Variants in FSTL5 observed in about 807,000 individuals in gnomAD.
FSTL5 encodes the protein follistatin-related protein 5.
FSTL5 carries 62 observed loss-of-function variants against 89.1 expected under a neutral mutation model. The ratio of observed to expected loss-of-function variants is 0.70; its 90% CI spans 0.57 to 0.86. The LOEUF (loss-of-function observed/expected upper bound fraction) is 0.86, where lower values mean the gene tolerates loss of function less well. Among genes scored for constraint, FSTL5 ranks in the 40% least tolerant of loss-of-function variants. FSTL5 has a pLI of 0.00. For synonymous variants in FSTL5, 383 were observed against 346.2 expected, an observed-to-expected ratio of 1.11 and a Z score of -1.18; for missense variants, 1,057 against 1,001.6, an observed-to-expected ratio of 1.06 and a Z score of -0.75.
chr4:162,149,317 G>A (rs1444522116), intron 1 of FSTL5, among the ~76,000 whole-genome samples: 1 of 151,904 alleles, frequency 6.6e-6, no homozygotes, highest in Non-Finnish European at 1.5e-5. Context: ...AGACCAGCCT[G>A]GGCAACATAG....
intron 6 of FSTL5, among the ~76,000 whole-genome samples, chr4:161,705,530 G>T (rs1738537086): frequency 1.3e-5 from 2 of 152,004 alleles, no homozygotes; most frequent in African/African-American, 4.8e-5. Context: ...CACAATATTA[G>T]AAAACCATTA....
At chr4:161,629,983 G>A (rs960727759) in intron 7 of FSTL5, among the ~76,000 whole-genome samples, 4 of 152,174 alleles carry the variant, frequency 2.6e-5, no homozygotes, top group South Asian at 2.1e-4. Flanking sequence ...TTCATTCCTA[G>A]CCCAGGGGCC....
At chr4:161,886,475 A>T (rs1036157667) in intron 4 of FSTL5, among the ~76,000 whole-genome samples, 1 of 152,234 alleles carries the variant, frequency 6.6e-6, no homozygotes, top group Non-Finnish European at 1.5e-5. Context: ...ATTCATATTC[A>T]TGAGGAGTCG....
intron 2 of FSTL5, among the ~76,000 whole-genome samples, chr4:162,072,976 G>A (rs557877530): frequency 6.6e-6 from 1 of 151,800 alleles, no homozygotes; most frequent in South Asian, 2.1e-4. Flanking sequence ...CTTTGACCTT[G>A]AACTGAGGCA....
intron 1 of FSTL5, among the ~76,000 whole-genome samples, chr4:162,141,329 A>C (rs1187750816): frequency 3.6e-5 from 3 of 84,152 alleles, no homozygotes; most frequent in Non-Finnish European, 8.3e-5. Context: ...GTTAGCCAGG[A>C]TGGTCTCGAT....
intron 2 of FSTL5, among the ~76,000 whole-genome samples, chr4:162,055,144 A>C (rs552137248): frequency 1.3e-5 from 2 of 151,998 alleles, no homozygotes; most frequent in African/African-American, 4.8e-5. Context: ...TATGATGTGC[A>C]TCAAATTGTT....
At position 161,988,065 on chromosome 4, in the gene FSTL5, T is replaced by TAA. The variant is rs5863506; in HGVS notation, c.160+45558_160+45559dup. On this transcript the variant is annotated intron_variant, in intron 3 of 15. Transcript: ENST00000306100. The stretch of plus-strand genomic sequence containing the variant: ...TAAATGATTGGACTAAAAAAACCAC[T>TAA]AAAAAAAAAACAGAGAAAAGTAATG... Among the ~76,000 whole-genome samples the TAA allele has an allele frequency of 4.6e-3, 680 of 146,832 alleles. 4 individuals carry two copies. The highest frequency in any genetic ancestry group is 8.1e-3 in the African/African-American group (327 of 40,180).
At chr4:161,844,350 T>C (rs1188469734) in intron 4 of FSTL5, among the ~76,000 whole-genome samples, 1 of 152,158 alleles carries the variant, frequency 6.6e-6, no homozygotes, top group African/African-American at 2.4e-5. Context: ...GTAAATTAGT[T>C]CAACCATTGT....
Position 161,459,256 on chromosome 4 carries a change from C to T in FSTL5, c.1672G>A (p.Val558Met), listed in dbSNP as rs200734853. ...HYDKSHDQVW[V>M]LSWGTLEKTS... ...TTCTCCAAGGTACCCCAGCTTAGCA[C>T]CCAGACCTGATCATGTGATTTGTCA... The change falls in exon 14 of 16, where the codon GTG (valine) becomes ATG (methionine). Residue 558 changes from valine (V) to methionine (M), a missense_variant. Coordinates refer to ENST00000306100, the MANE Select transcript of FSTL5 (RefSeq NM_020116.5). 1 of 1,613,442 alleles carries T rather than the reference C, an allele frequency of 6.2e-7. No homozygotes were observed. Among genetic ancestry groups the T allele is most frequent in the Admixed American group, 1.7e-5 (1 of 60,012 alleles).
intron 6 of FSTL5, among the ~76,000 whole-genome samples, chr4:161,758,471 GT>G (rs1198904773): frequency 2.0e-5 from 3 of 151,820 alleles, no homozygotes; most frequent in Non-Finnish European, 2.9e-5. Flanking sequence ...CTAAATCCTT[GT>G]TTTTTGTTTA....
intron 4 of FSTL5, among the ~76,000 whole-genome samples, chr4:161,856,318 A>G (rs1731719628): frequency 6.6e-6 from 1 of 152,126 alleles, no homozygotes; most frequent in African/African-American, 2.4e-5. Context: ...GGTAGAAAAT[A>G]TCACAAACAA....
intron 6 of FSTL5, among the ~76,000 whole-genome samples, chr4:161,724,233 G>C (rs532041362): frequency 2.0e-5 from 3 of 152,064 alleles, no homozygotes; most frequent in Non-Finnish European, 4.4e-5. Context: ...GATACATAAT[G>C]CTAACACGTC....
chr4:161,494,874 A>G (rs1730008976), intron 12 of FSTL5, among the ~76,000 whole-genome samples: 2 of 152,068 alleles, frequency 1.3e-5, no homozygotes. Context: ...AGCCTGGGCA[A>G]CCTTGCGAGG....
At chr4:162,160,541 A>G (rs1454114524) in intron 1 of FSTL5, among the ~76,000 whole-genome samples, 1 of 151,780 alleles carries the variant, frequency 6.6e-6, no homozygotes, top group Non-Finnish European at 1.5e-5. Context: ...GCTTCATAAT[A>G]TATTAAGTAG....
chr4:161,751,209 T>C (rs917064713), intron 6 of FSTL5, among the ~76,000 whole-genome samples: 3 of 152,110 alleles, frequency 2.0e-5, no homozygotes, highest in African/African-American at 7.2e-5. Flanking sequence ...TATTTTACCA[T>C]GGGAAAAACC....
chr4:162,045,712 G>A (rs1330577246), intron 2 of FSTL5, among the ~76,000 whole-genome samples: 1 of 152,114 alleles, frequency 6.6e-6, no homozygotes, highest in East Asian at 1.9e-4. Context: ...AAAAAATGCA[G>A]TATCTGCAAA....
At chr4:161,492,336 G>A (rs1729908800) in intron 12 of FSTL5, among the ~76,000 whole-genome samples, 1 of 152,150 alleles carries the variant, frequency 6.6e-6, no homozygotes, top group Non-Finnish European at 1.5e-5. Context: ...AATATTAAAT[G>A]GGTCAAATTT....
At chr4:161,745,459 A>G (rs2126776147) in intron 6 of FSTL5, among the ~76,000 whole-genome samples, 1 of 152,206 alleles carries the variant, frequency 6.6e-6, no homozygotes, top group South Asian at 2.1e-4. Flanking sequence ...TTTAATATGG[A>G]GTGATAACAA....
At chr4:161,671,674 T>G (rs1737119842) in intron 6 of FSTL5, among the ~76,000 whole-genome samples, 1 of 152,138 alleles carries the variant, frequency 6.6e-6, no homozygotes, top group Admixed American at 6.6e-5. Context: ...GTTCATAAAC[T>G]ACTCCACCAC....
Sources: gnomAD v4.1 joint callset for allele counts (sites outside exome capture counted in the v4.1 genomes callset) on GRCh38, gnomAD v4.1.1 for gene constraint, MANE v1.5 for transcripts, NCBI Gene and HGNC (gene_info 2026-07-23, HGNC 2026-07-21) for gene names.